ABCB9: variants seen among roughly 807,000 people sequenced by gnomAD.
ABCB9 encodes the protein ABC-type oligopeptide transporter ABCB9.
A neutral mutation model predicts 62.0 loss-of-function variants in ABCB9; 36 were observed. The observed-to-expected ratio is 0.58, with a 90% CI of 0.45 to 0.77. The LOEUF (loss-of-function observed/expected upper bound fraction) is 0.77, where lower values mean the gene tolerates loss of function less well. Among genes scored for constraint, ABCB9 ranks in the 30% least tolerant of loss-of-function variants. ABCB9 has a pLI of 0.00. For synonymous variants in ABCB9, 435 were observed against 461.4 expected, an observed-to-expected ratio of 0.94 and a Z score of 0.73; for missense variants, 943 against 1,054.7, an observed-to-expected ratio of 0.89 and a Z score of 1.47.
At chr12:122,948,083 C>T (rs1324521179) in intron 5 of ABCB9, 2 of 152,646 alleles carry the variant, frequency 1.3e-5, no homozygotes, top group East Asian at 3.9e-4. Context: ...CAGGCATGCG[C>T]CACCAAGCCC....
chr12:122,924,625 A>G, downstream of ABCB9: 2 of 1,443,424 alleles, frequency 1.4e-6, no homozygotes, highest in Non-Finnish European at 1.8e-6. Context: ...GACAAACTCT[A>G]ATGTGGGAAA....
chr12:122,952,132 G>T (rs2036396885), intron 2 of ABCB9: 1 of 153,242 alleles, frequency 6.5e-6, no homozygotes, highest in East Asian at 1.9e-4. Context: ...AAACCTGCTG[G>T]CACCTTGATC....
In ABCB9 at chr12:122,929,421, C is replaced by A; in HGVS notation, c.*490G>T. ...ACGGAAAATCCCGTTCCCCGTGTCTCCCTCCGGGACAGGGAAGCCCCTTCT... is the reference window on the plus strand; with the variant it reads ...ACGGAAAATCCCGTTCCCCGTGTCTACCTCCGGGACAGGGAAGCCCCTTCT... On this transcript the variant is annotated 3_prime_UTR_variant, in exon 12 of 12. Coordinates refer to ENST00000280560, the MANE Select transcript of ABCB9 (RefSeq NM_019625.4). The surrounding 1 kb of genome is among the most constrained non-coding windows in gnomAD (Gnocchi z 6.0). 5 of 987,230 alleles carry A rather than the reference C, an allele frequency of 5.1e-6. No homozygotes were observed. The highest frequency in any genetic ancestry group is 6.0e-6 in the Non-Finnish European group (5 of 830,964). The allele number at this position is 987,230 out of a possible 1,614,324, so 61.2% of individuals were successfully genotyped here.
Position 122,929,633 on chromosome 12 carries a change from C to G in ABCB9, c.*278G>C, listed in dbSNP as rs993924336. 1.3e-5 allele frequency: 16 copies of G among 1,217,670 alleles called. No individual in the cohort carries two copies. Among genetic ancestry groups the G allele is most frequent in the Non-Finnish European group, 1.6e-5 (16 of 978,506 alleles). The allele number at this position is 1,217,670 out of a possible 1,614,324, so 75.4% of individuals were successfully genotyped here. A position where few individuals can be genotyped will look rare whatever the true frequency, so the allele number is the denominator to read the frequency against. Reference sequence around the variant, plus strand: ...GTGCCTCAAACCAAACAGTAAAAACCCTGGTAAGACCTAGGTTTAAAAAGG... The same window carrying G: ...GTGCCTCAAACCAAACAGTAAAAACGCTGGTAAGACCTAGGTTTAAAAAGG... On this transcript the variant is annotated 3_prime_UTR_variant, in exon 12 of 12. Coordinates refer to ENST00000280560, the MANE Select transcript of ABCB9 (RefSeq NM_019625.4). This position sits in a 1 kb window ranked among gnomAD's most constrained non-coding sequence, Gnocchi z 6.0.
intron 9 of ABCB9, among the ~76,000 whole-genome samples, chr12:122,936,854 A>C (rs577320854): frequency 2.6e-5 from 4 of 151,446 alleles, no homozygotes; most frequent in Non-Finnish European, 5.9e-5. Flanking sequence ...TGGTGAGCTG[A>C]GATCGTGCCA....
intron 5 of ABCB9, among the ~76,000 whole-genome samples, chr12:122,946,661 C>T (rs1014646059): frequency 1.3e-5 from 2 of 152,252 alleles, no homozygotes; most frequent in African/African-American, 4.8e-5. Flanking sequence ...CCATTTACAT[C>T]ATCAACATAA....
In ABCB9 at chr12:122,960,338, C is replaced by G. The variant is rs2036829265; in HGVS notation, c.-87-16G>C. ...GAGGCCAGGCCTGTAGGGACAACAG[C>G]AAACATCAGCACAAGGGGTTCAGGT... is the stretch of plus-strand genomic sequence containing the variant. On this transcript the variant is annotated splice_polypyrimidine_tract_variant and intron_variant, in intron 1 of 11. Coordinates refer to ENST00000280560, the MANE Select transcript of ABCB9 (RefSeq NM_019625.4). The G allele has an allele frequency of 6.9e-7, 1 of 1,448,980 alleles. No individual in the cohort carries two copies. The highest frequency in any genetic ancestry group is 1.4e-5 in the South Asian group (1 of 71,472). 89.8% of individuals were successfully genotyped at this position (1,448,980 alleles called of 1,614,324 possible).
chr12:122,948,580 G>T lies in ABCB9; in HGVS notation c.1053+44C>A. The T allele has an allele frequency of 6.5e-6, 10 of 1,527,328 alleles. 1 individual carries two copies. Among genetic ancestry groups the T allele is most frequent in the Non-Finnish European group, 8.8e-6 (10 of 1,132,150 alleles). The allele number at this position is 1,527,328 out of a possible 1,614,324, so 94.6% of individuals were successfully genotyped here. On this transcript the variant is annotated intron_variant, in intron 5 of 11. Transcript: ENST00000280560. The stretch of plus-strand genomic sequence containing the variant: ...GCCCCTCCTAAGGGGATGTTTGGGG[G>T]CTGCCAGGGTGCACAGTCCCCAGCA...
chr12:122,940,426 G>T lies in ABCB9; in HGVS notation c.1570-142C>A. The T allele has an allele frequency of 2.0e-6, 2 of 988,012 alleles. No homozygotes were observed. The highest frequency in any genetic ancestry group is 1.5e-6 in the Non-Finnish European group (1 of 688,182). The allele number at this position is 988,012 out of a possible 1,614,324, so 61.2% of individuals were successfully genotyped here. Reference sequence around the variant, plus strand: ...GCTTGGGCACTGCTGGCCCCTAAACGTTCTTTCTAAGACACTAGGACTTGG... The same window carrying T: ...GCTTGGGCACTGCTGGCCCCTAAACTTTCTTTCTAAGACACTAGGACTTGG... On this transcript the variant is annotated intron_variant, in intron 8 of 11. Coordinates refer to ENST00000280560, the MANE Select transcript of ABCB9 (RefSeq NM_019625.4). The surrounding 1 kb of genome is among the most constrained non-coding windows in gnomAD (Gnocchi z 4.8).
chr12:122,968,775 C>T (rs1462250820), upstream of ABCB9, among the ~76,000 whole-genome samples: 2 of 151,896 alleles, frequency 1.3e-5, no homozygotes, highest in Non-Finnish European at 2.9e-5. Flanking sequence ...CCAACACGCC[C>T]GGCTGACTTT....
intron 10 of ABCB9, among the ~76,000 whole-genome samples, chr12:122,934,589 C>T (rs533212392): frequency 5.3e-5 from 8 of 149,568 alleles, no homozygotes; most frequent in South Asian, 2.1e-4. Context: ...TGCAGTGAGC[C>T]GTGATCACGC....
rs1019194779 is a variant in ABCB9, at chr12:122,921,368, T to A, written c.2041-325A>T. Among the ~76,000 whole-genome samples, 7 of 152,194 alleles carry A rather than the reference T, an allele frequency of 4.6e-5. No homozygotes were observed. In the South Asian group the frequency reaches 1.2e-3, roughly 27 times the overall value. Reference sequence around the variant, plus strand: ...AGTTCAAGGCTGAAGTGAGCTATGATGGCACCACTGCACTCCAGGCTAGGC... The same window carrying A: ...AGTTCAAGGCTGAAGTGAGCTATGAAGGCACCACTGCACTCCAGGCTAGGC... On this transcript the variant is annotated intron_variant, in intron 11 of 11. Coordinates refer to the ABCB9 transcript ENST00000344275.
At chr12:122,925,819 T>C (rs778586485), downstream of ABCB9, among the ~76,000 whole-genome samples, 1 of 152,166 alleles carries the variant, frequency 6.6e-6, no homozygotes, top group South Asian at 2.1e-4. Context: ...CTATTCACAA[T>C]AGCCCAAAGG....
intron 2 of ABCB9, among the ~76,000 whole-genome samples, chr12:122,955,717 T>G (rs1168168518): frequency 6.7e-6 from 1 of 149,766 alleles, no homozygotes; most frequent in Non-Finnish European, 1.5e-5. Flanking sequence ...GTTTTTTTGT[T>G]TTTTTTTTTT....
intron 3 of ABCB9, 92 bp from the exon 4 acceptor site, chr12:122,950,010 GC>G: frequency 6.4e-7 from 1 of 1,551,638 alleles, no homozygotes. Flanking sequence ...AGGCCTGGGA[GC>G]CCCACCGCAG....
At chr12:122,965,310 C>T (rs960397548) in intron 1 of ABCB9, among the ~76,000 whole-genome samples, 4 of 152,210 alleles carry the variant, frequency 2.6e-5, no homozygotes, top group Non-Finnish European at 4.4e-5. Context: ...CCAGTGGCCT[C>T]GGTTCACCCC....
rs1290456112 is a variant in ABCB9 at position 122,964,007 on chromosome 12, C to A, written c.-88+2280G>T. Among the ~76,000 whole-genome samples the A allele has an allele frequency of 6.6e-6, 1 of 152,186 alleles. No homozygotes were observed. Among genetic ancestry groups the A allele is most frequent in the Non-Finnish European group, 1.5e-5 (1 of 68,020 alleles). ...GCGAGTGGGTGAGCTCCAGTCAGAG[C>A]CCAGGGAGGGAAGCTCCTGGCCTGG... is the stretch of plus-strand genomic sequence containing the variant. On this transcript the variant is annotated intron_variant, in intron 1 of 11. Coordinates refer to ENST00000280560, the MANE Select transcript of ABCB9 (RefSeq NM_019625.4). This position sits in a 1 kb window ranked among gnomAD's most constrained non-coding sequence, Gnocchi z 4.7.
intron 5 of ABCB9, 34 bp downstream of exon 5, chr12:122,948,590 T>C (rs10848106): frequency 1 from 1,552,560 of 1,553,172 alleles, 775,978 homozygotes; most frequent in East Asian, 1. Context: ...GCTGCCAGGG[T>C]GCACAGTCCC....
In ABCB9 at chr12:122,964,069, T is replaced by C. The variant is rs2037047047; in HGVS notation, c.-88+2218A>G. Among the ~76,000 whole-genome samples, 1 of 152,206 alleles carries C rather than the reference T, an allele frequency of 6.6e-6. No individual in the cohort carries two copies. Among genetic ancestry groups the C allele is most frequent in the African/African-American group, 2.4e-5 (1 of 41,446 alleles). On this transcript the variant is annotated intron_variant, in intron 1 of 11. Transcript: ENST00000280560. This position sits in a 1 kb window ranked among gnomAD's most constrained non-coding sequence, Gnocchi z 4.7. ...GCCTCCCAGCCAAGCCACTGCCGGC[T>C]GCACCAGGTGCTGCCAGCCGCCTCA...
Sources: allele counts gnomAD v4.1 joint callset (sites outside exome capture counted in the v4.1 genomes callset), GRCh38; gene constraint gnomAD v4.1.1; non-coding constraint Gnocchi (gnomAD v3.1); transcripts MANE v1.5; gene names NCBI Gene and HGNC (gene_info 2026-07-23, HGNC 2026-07-21).